The following NUBPL variants were observed in gnomAD, a reference collection of about 807,000 sequenced individuals.
NUBPL encodes the protein NUBP iron-sulfur cluster assembly factor, mitochondrial.
NUBPL carries 31 observed loss-of-function variants against 45.7 expected under a neutral mutation model. The ratio of observed to expected loss-of-function variants is 0.68; its 90% CI spans 0.51 to 0.92. NUBPL has a LOEUF of 0.92. Among genes scored for constraint, NUBPL ranks in the 40% least tolerant of loss-of-function variants. NUBPL has a pLI of 0.00. For missense variants in NUBPL, 401 were observed against 398.7 expected (o/e 1.01, Z -0.05); for synonymous variants, 144 against 140.9 (o/e 1.02, Z -0.15).
In NUBPL at chr14:31,850,122, A is replaced by G. The variant is rs750832969; in HGVS notation, c.818A>G (p.Asp273Gly). The change falls in exon 10 of 11, where the codon GAC (aspartate) becomes GGC (glycine). Residue 273 changes from aspartate to glycine, a missense_variant. Physicochemically the swap from Asp to Gly is moderately conservative, Grantham distance 94 (BLOSUM62 -1). Coordinates refer to ENST00000281081, the MANE Select transcript of NUBPL (RefSeq NM_025152.3). ...GATGTCTGCTGGGCTCTTTTAGGAG[A>G]CATTCCCTTACACCTTAATATAAGG... ...AQTLGLEVLG[D>G]IPLHLNIREA... The G allele has an allele frequency of 1.9e-6, 3 of 1,612,944 alleles. No homozygotes were observed. The highest frequency in any genetic ancestry group is 1.1e-5 in the South Asian group (1 of 91,042).
chr14:31,561,459 T>G lies in NUBPL; in HGVS notation c.20T>G (p.Leu7Arg). 1 of 1,420,470 alleles carries G rather than the reference T, an allele frequency of 7.0e-7. No homozygotes were observed. Among genetic ancestry groups the G allele is most frequent in the East Asian group, 2.7e-5 (1 of 36,542 alleles). The allele number at this position is 1,420,470 out of a possible 1,614,324, so 88.0% of individuals were successfully genotyped here. MGIWQRLLLFGGVSLRA... is the reference protein window; with the variant it reads MGIWQRRLLFGGVSLRA... ...CGCGTCATGGGGATTTGGCAGCGTC[T>G]GCTGCTTTTTGGTGGGGTGTCGCTC... The change falls in exon 1 of 11, where the codon CTG becomes CGG. Residue 7 changes from leucine (L) to arginine (R), a missense_variant. By Grantham distance (102) the Leu-to-Arg change is moderately radical. Coordinates refer to ENST00000281081, the MANE Select transcript of NUBPL (RefSeq NM_025152.3).
At chr14:31,781,064 T>G (rs1011679661) in intron 6 of NUBPL, among the ~76,000 whole-genome samples, 5 of 152,186 alleles carry the variant, frequency 3.3e-5, no homozygotes, top group Non-Finnish European at 5.9e-5. Flanking sequence ...TCAAAGTTAA[T>G]TTTAGGCCAA....
At chr14:31,601,226 T>C (rs899189562) in intron 4 of NUBPL, among the ~76,000 whole-genome samples, 42 of 152,348 alleles carry the variant, frequency 2.8e-4, no homozygotes, top group African/African-American at 8.7e-4. Flanking sequence ...AGGATTGACT[T>C]GGTGATGCAG....
chr14:31,761,934 A>G (rs2038819111), intron 6 of NUBPL, among the ~76,000 whole-genome samples: 1 of 152,164 alleles, frequency 6.6e-6, no homozygotes, highest in South Asian at 2.1e-4. Context: ...ACAAATTATT[A>G]CCTATATGAA....
intron 6 of NUBPL, among the ~76,000 whole-genome samples, chr14:31,746,042 T>A (rs1362484989): frequency 1.3e-5 from 2 of 152,010 alleles, no homozygotes; most frequent in Non-Finnish European, 2.9e-5. Context: ...TCAGCTGAAA[T>A]TGTCTAAAAA....
chr14:31,859,297 G>T lies in NUBPL; in HGVS notation c.*117G>T, dbSNP rs2040675292. The T allele has an allele frequency of 1.2e-6, 1 of 859,672 alleles. No homozygotes were observed. The highest frequency in any genetic ancestry group is 1.9e-6 in the Non-Finnish European group (1 of 515,262). 53.3% of individuals were successfully genotyped at this position (859,672 alleles called of 1,614,324 possible). On this transcript the variant is annotated 3_prime_UTR_variant, in exon 11 of 11. Coordinates refer to ENST00000281081, the MANE Select transcript of NUBPL (RefSeq NM_025152.3). ...GAAATCATAACTGTTTTATTTCTAA[G>T]GAAAGAATGTCTTCATATTTGACTT... is the stretch of plus-strand genomic sequence containing the variant.
chr14:31,616,202 T>C (rs1184883682), intron 4 of NUBPL, among the ~76,000 whole-genome samples: 2 of 152,294 alleles, frequency 1.3e-5, no homozygotes, highest in Admixed American at 1.3e-4. Flanking sequence ...GTCAGATGGA[T>C]AGATTGCAAA....
chr14:31,616,836 A>C (rs1351434662), intron 4 of NUBPL, among the ~76,000 whole-genome samples: 3 of 152,118 alleles, frequency 2.0e-5, no homozygotes, highest in African/African-American at 7.2e-5. Flanking sequence ...GGATGGGAAT[A>C]GCATTCAATC....
At chr14:31,774,091 G>T (rs2039057494) in intron 6 of NUBPL, among the ~76,000 whole-genome samples, 1 of 152,054 alleles carries the variant, frequency 6.6e-6, no homozygotes, top group Non-Finnish European at 1.5e-5. Context: ...ATTCTTCTTG[G>T]CCACCACTTT....
At chr14:31,777,791 G>A (rs553499929) in intron 6 of NUBPL, among the ~76,000 whole-genome samples, 4 of 152,302 alleles carry the variant, frequency 2.6e-5, no homozygotes, top group South Asian at 2.1e-4. Flanking sequence ...AAGTATTAGC[G>A]ATAGCAGAAA....
intron 4 of NUBPL, among the ~76,000 whole-genome samples, chr14:31,646,879 G>T (rs1229955556): frequency 2.0e-5 from 3 of 149,744 alleles, no homozygotes; most frequent in Admixed American, 6.7e-5. Context: ...TCTATATCTT[G>T]TAGGCAATCT....
At chr14:31,843,527 T>C (rs2040407482) in intron 8 of NUBPL, among the ~76,000 whole-genome samples, 1 of 152,226 alleles carries the variant, frequency 6.6e-6, no homozygotes, top group Admixed American at 6.5e-5. Context: ...GTGGCCTCTC[T>C]TGCTTACAAC....
At chr14:31,771,513 A>T (rs1222937642) in intron 6 of NUBPL, among the ~76,000 whole-genome samples, 1 of 152,140 alleles carries the variant, frequency 6.6e-6, no homozygotes, top group African/African-American at 2.4e-5. Context: ...CTCTTCAGGG[A>T]TTTGAAGAAC....
At chr14:31,760,314 T>C (rs2038778797) in intron 6 of NUBPL, among the ~76,000 whole-genome samples, 1 of 151,522 alleles carries the variant, frequency 6.6e-6, no homozygotes, top group African/African-American at 2.4e-5. Context: ...CCACCACACC[T>C]GGATAATTTT....
chr14:31,750,764 A>G (rs978875909), intron 6 of NUBPL, among the ~76,000 whole-genome samples: 62 of 152,052 alleles, frequency 4.1e-4, no homozygotes, highest in Admixed American at 3.8e-3. Context: ...TTCTGGTTGT[A>G]TATAGTAATG....
chr14:31,771,937 A>C, intron 6 of NUBPL: 3 of 946,014 alleles, frequency 3.2e-6, no homozygotes, highest in Non-Finnish European at 3.8e-6. Flanking sequence ...AGCATGCAGT[A>C]TGCTAGTCTA....
At chr14:31,600,842 G>A (rs2034413763) in intron 4 of NUBPL, among the ~76,000 whole-genome samples, 1 of 151,376 alleles carries the variant, frequency 6.6e-6, no homozygotes, top group Non-Finnish European at 1.5e-5. Context: ...CCTATGTCCT[G>A]AATGGTAATG....
chr14:31,604,196 A>AC (rs980402296), intron 4 of NUBPL, among the ~76,000 whole-genome samples: 1 of 137,708 alleles, frequency 7.3e-6, no homozygotes, highest in Non-Finnish European at 1.6e-5. Flanking sequence ...AAAAAAAAAA[A>AC]CACTTTCTCT....
At chr14:31,768,560 A>C (rs192239971) in intron 6 of NUBPL, among the ~76,000 whole-genome samples, 58 of 152,356 alleles carry the variant, frequency 3.8e-4, no homozygotes, top group Non-Finnish European at 2.2e-4. Context: ...GTTGTGAAAC[A>C]GGGTTGGAAA....
Sources: allele counts gnomAD v4.1 joint callset (sites outside exome capture counted in the v4.1 genomes callset), GRCh38; gene constraint gnomAD v4.1.1; transcripts MANE v1.5; gene names NCBI Gene and HGNC (gene_info 2026-07-23, HGNC 2026-07-21).